Variants in ATP8B3 observed in about 807,000 individuals in gnomAD.
ATP8B3 encodes ATPase phospholipid transporting 8B3, also known as phospholipid-transporting ATPase IK.
ATP8B3 carries 141 observed loss-of-function variants against 140.9 expected under a neutral mutation model. The observed-to-expected ratio is 1.00, with a 90% CI of 0.87 to 1.15. The LOEUF is 1.15. ATP8B3 is among the 50% of genes most tolerant of loss of function. The pLI, the probability that ATP8B3 is intolerant of heterozygous loss-of-function variation, is 0.00. For missense variants in ATP8B3, 1,874 were observed against 1,740.6 expected (o/e 1.08, Z -1.36); for synonymous variants, 765 against 714.6 (o/e 1.07, Z -1.13).
At position 1,796,755 on chromosome 19, in the gene ATP8B3, A is replaced by C. The variant is rs376289308; in HGVS notation, c.1709T>G (p.Ile570Ser). Residue 570 changes from isoleucine to serine, a missense_variant, in exon 16 of 29, where the codon ATC becomes AGC. This residue lies in a region of ATP8B3 where 1,032 missense variants were observed against 963.6 expected (regional missense o/e 1.07). Coordinates refer to ENST00000310127, the MANE Select transcript of ATP8B3 (RefSeq NM_138813.4). ...AVREFWRLLA[I>S]CHTVMVRESP... Reference sequence around the variant, plus strand: ...CTCCCGCACCATCACCGTGTGGCAGATGGCCAGCAGGCGCCAGAACTCCCG... The same window carrying C: ...CTCCCGCACCATCACCGTGTGGCAGCTGGCCAGCAGGCGCCAGAACTCCCG... The C allele has an allele frequency of 6.2e-7, 1 of 1,612,204 alleles. No homozygotes were observed. The highest frequency in any genetic ancestry group is 2.2e-5 in the East Asian group (1 of 44,860).
In ATP8B3 at chr19:1,789,116, C is replaced by T. The variant is rs1332920824; in HGVS notation, c.2850G>A (p.Ala950=). Residue 950 remains alanine (A), a synonymous_variant, in exon 24 of 29, where the codon GCG becomes GCA. Coordinates refer to ENST00000310127, the MANE Select transcript of ATP8B3 (RefSeq NM_138813.4). ...GANDINMIKT[A]DVGVGLAGQE... The stretch of plus-strand genomic sequence containing the variant: ...GGCCCGCCAGCCCCACGCCCACGTC[C>T]GCGGCTGCAGGGCACAAGCAGCTGG... 2 of 1,582,130 alleles carry T rather than the reference C, an allele frequency of 1.3e-6. No individual in the cohort carries two copies. Among genetic ancestry groups the T allele is most frequent in the Admixed American group, 1.7e-5 (1 of 57,312 alleles).
In ATP8B3 at chr19:1,791,368, C is replaced by T. The variant is rs915169803; in HGVS notation, c.2302+382G>A. Among the ~76,000 whole-genome samples the T allele has an allele frequency of 4.1e-4, 62 of 149,894 alleles. 1 individual carries two copies. Among genetic ancestry groups the T allele is most frequent in the Non-Finnish European group, 5.8e-4 (39 of 67,698 alleles). ...CTGAGACCACAAGCATGTGCCACTGCGCTCCTCTGAGAGTTGCAGCATTTT... is the reference window on the plus strand; with the variant it reads ...CTGAGACCACAAGCATGTGCCACTGTGCTCCTCTGAGAGTTGCAGCATTTT... On this transcript the variant is annotated intron_variant, in intron 20 of 28. Transcript: ENST00000310127.
intron 2 of ATP8B3, among the ~76,000 whole-genome samples, chr19:1,811,062 A>G (rs780736221): frequency 2.0e-5 from 3 of 150,644 alleles, no homozygotes; most frequent in Non-Finnish European, 4.4e-5. Context: ...GACCACTCTC[A>G]CCTCCTCCTG....
rs554572727 is a variant in ATP8B3, at chr19:1,806,161, T to G, written c.686A>C (p.Gln229Pro). The G allele has an allele frequency of 6.3e-7, 1 of 1,592,804 alleles. No homozygotes were observed. Among genetic ancestry groups the G allele is most frequent in the Admixed American group, 1.7e-5 (1 of 57,176 alleles). Residue 229 changes from glutamine (Q) to proline (P), a missense_variant, in exon 8 of 29, where the codon CAG becomes CCG. Coordinates refer to ENST00000310127, the MANE Select transcript of ATP8B3 (RefSeq NM_138813.4). The surrounding 1 kb of genome is among the most constrained non-coding windows in gnomAD (Gnocchi z 5.6). ...CQILMGKSFKQKKWQDLCVGD... is the reference protein window; with the variant it reads ...CQILMGKSFKPKKWQDLCVGD... Reference sequence around the variant, plus strand: ...CACGCACAGATCCTGCCATTTCTTCTGCTTGAAGCTGCGGGGAGAGGGGGT... The same window carrying G: ...CACGCACAGATCCTGCCATTTCTTCGGCTTGAAGCTGCGGGGAGAGGGGGT...
chr19:1,794,175 G>T lies in ATP8B3; in HGVS notation c.2055+1700C>A, dbSNP rs534261317. On this transcript the variant is annotated intron_variant, in intron 18 of 28. Transcript: ENST00000310127. The surrounding 1 kb of genome is among the most constrained non-coding windows in gnomAD (Gnocchi z 4.8). ...CCCAAAGTGCTGGGACCACAGGCAC[G>T]CGCCACCATGTCTGATTTCCCTTTT... 2.5e-4 allele frequency among the ~76,000 whole-genome samples: 38 copies of T among 152,294 alleles called. No individual in the cohort carries two copies. Among genetic ancestry groups the T allele is most frequent in the African/African-American group, 8.2e-4 (34 of 41,554 alleles).
Position 1,782,367 on chromosome 19 carries a change from C to T in ATP8B3, c.*661G>A, listed in dbSNP as rs528353563. On this transcript the variant is annotated 3_prime_UTR_variant, in exon 29 of 29. Transcript: ENST00000310127. ...GGGGGCAAGGATAGCTGCTCCTCCCCGGGCACCAGCAGCCACTCCATGGAT... is the reference window on the plus strand; with the variant it reads ...GGGGGCAAGGATAGCTGCTCCTCCCTGGGCACCAGCAGCCACTCCATGGAT... 10 of 261,672 alleles carry T rather than the reference C, an allele frequency of 3.8e-5. No homozygotes were observed. The highest frequency in any genetic ancestry group is 6.5e-5 in the Non-Finnish European group (9 of 139,334). The allele number at this position is 261,672 out of a possible 1,614,324, so 16.2% of individuals were successfully genotyped here. A position where few individuals can be genotyped will look rare whatever the true frequency, so the allele number is the denominator to read the frequency against.
At chr19:1,795,072 A>G (rs892433838) in intron 18 of ATP8B3, among the ~76,000 whole-genome samples, 5 of 151,996 alleles carry the variant, frequency 3.3e-5, no homozygotes, top group African/African-American at 1.2e-4. Context: ...GCCTGGCAAC[A>G]TGGTGAAACC....
In ATP8B3 at chr19:1,800,322, A is replaced by G; in HGVS notation, c.1280T>C (p.Phe427Ser). ...GATGAGGAAGCTCCAGAAGACGAAG[A>G]AGGACTCTGCGGCCACGCTGCTCCC... ...VHGSSVAAES[F>S]FVFWSFLILL... Residue 427 changes from phenylalanine (F) to serine (S), a missense_variant, in exon 13 of 29, where the codon TTC (phenylalanine) becomes TCC (serine). Phe to Ser is a radical substitution (Grantham distance 155). Around this residue, in one of 3 missense-constraint regions of ATP8B3, gnomAD observed 1,032 missense variants for 963.6 expected, o/e 1.07. Coordinates refer to ENST00000310127, the MANE Select transcript of ATP8B3 (RefSeq NM_138813.4). This position sits in a 1 kb window ranked among gnomAD's most constrained non-coding sequence, Gnocchi z 4.4. 1.2e-6 allele frequency: 2 copies of G among 1,612,886 alleles called. No individual in the cohort carries two copies. Among genetic ancestry groups the G allele is most frequent in the Non-Finnish European group, 1.7e-6 (2 of 1,179,818 alleles).
In ATP8B3 at chr19:1,806,061, C is replaced by A; in HGVS notation, c.750+36G>T. 6.2e-7 allele frequency: 1 copy of A among 1,602,438 alleles called. No individual in the cohort carries two copies. Among genetic ancestry groups the A allele is most frequent in the South Asian group, 1.1e-5 (1 of 89,760 alleles). Reference sequence around the variant, plus strand: ...GAGGGGTGCTCTCGGTGAGGGGGCGCGTGGTTCTGGGACCTCGGGGTCAAC... The same window carrying A: ...GAGGGGTGCTCTCGGTGAGGGGGCGAGTGGTTCTGGGACCTCGGGGTCAAC... On this transcript the variant is annotated intron_variant, in intron 8 of 28. Transcript: ENST00000310127. The surrounding 1 kb of genome is among the most constrained non-coding windows in gnomAD (Gnocchi z 5.6).
chr19:1,797,640 C>T (rs1406041859), intron 14 of ATP8B3, among the ~76,000 whole-genome samples: 2 of 151,846 alleles, frequency 1.3e-5, no homozygotes, highest in East Asian at 3.9e-4. Context: ...GCTGGGATTA[C>T]AAGCTCATGT....
rs1288377844 is a variant in ATP8B3, at chr19:1,800,891, C to T, written c.1153-442G>A. Among the ~76,000 whole-genome samples the T allele has an allele frequency of 3.3e-5, 5 of 150,148 alleles. No individual in the cohort carries two copies. The highest frequency in any genetic ancestry group is 1.2e-4 in the African/African-American group (5 of 40,758). ...TCTCCCAGGCTGGAGTGCAGTGGCG[C>T]GATCTTGGCTCACAGCAAGCTCCGC... On this transcript the variant is annotated intron_variant, in intron 12 of 28. Transcript: ENST00000310127. This position sits in a 1 kb window ranked among gnomAD's most constrained non-coding sequence, Gnocchi z 4.4.
In ATP8B3 at chr19:1,800,759, A is replaced by G. The variant is rs1013992029; in HGVS notation, c.1153-310T>C. ...GGATCGCTTGAGCCCAGGAGGCTGC[A>G]GTGAGATATCATGGCGCCACTGCAC... On this transcript the variant is annotated intron_variant, in intron 12 of 28. Coordinates refer to ENST00000310127, the MANE Select transcript of ATP8B3 (RefSeq NM_138813.4). The surrounding 1 kb of genome is among the most constrained non-coding windows in gnomAD (Gnocchi z 4.4). Among the ~76,000 whole-genome samples the G allele has an allele frequency of 6.6e-6, 1 of 152,138 alleles. No individual in the cohort carries two copies. The highest frequency in any genetic ancestry group is 1.5e-5 in the Non-Finnish European group (1 of 68,014).
chr19:1,785,741 G>T (rs776502936), intron 25 of ATP8B3, 33 bp from the exon 26 acceptor site: 5 of 1,292,406 alleles, frequency 3.9e-6, no homozygotes, highest in South Asian at 2.5e-5. Flanking sequence ...GGGATTGGGT[G>T]GGGGGCGGGG....
At chr19:1,783,850 T>C (rs1203225652) in intron 28 of ATP8B3, among the ~76,000 whole-genome samples, 2 of 152,210 alleles carry the variant, frequency 1.3e-5, no homozygotes, top group Middle Eastern at 3.2e-3. Context: ...TCCCTTTTTT[T>C]TGAGGTGGGG....
intron 4 of ATP8B3, 91 bp downstream of exon 4, chr19:1,809,552 G>A: frequency 9.6e-7 from 1 of 1,039,388 alleles, no homozygotes; most frequent in Non-Finnish European, 1.4e-6. Flanking sequence ...AATACAAGCA[G>A]AGGCAGGACT....
chr19:1,792,928 A>G lies in ATP8B3; in HGVS notation c.2056-793T>C, dbSNP rs2068560298. Among the ~76,000 whole-genome samples the G allele has an allele frequency of 1.6e-4, 7 of 44,728 alleles. No homozygotes were observed. In the South Asian group the frequency reaches 4.3e-3, roughly 27 times the overall value. 29.3% of individuals were successfully genotyped at this position (44,728 alleles called of 152,430 possible). ...AGATTCTGTTTCAAAAAAAAAAAAAAAGAAAAGAAAACTGAGCTGCCCCTG... is the reference window on the plus strand; with the variant it reads ...AGATTCTGTTTCAAAAAAAAAAAAAGAGAAAAGAAAACTGAGCTGCCCCTG... On this transcript the variant is annotated intron_variant, in intron 18 of 28. Transcript: ENST00000310127.
At chr19:1,811,432 C>T in intron 2 of ATP8B3, 57 bp downstream of exon 2, 3 of 1,556,376 alleles carry the variant, frequency 1.9e-6, no homozygotes, top group South Asian at 1.2e-5. Context: ...TCTAGCAGTG[C>T]CCTCCCCGCC....
rs960131872 is a variant in ATP8B3, at chr19:1,810,483, C to T, written c.310+139G>A. 53 of 763,890 alleles carry T rather than the reference C, an allele frequency of 6.9e-5. No individual in the cohort carries two copies. In the African/African-American group the frequency reaches 7.1e-4, roughly 10 times the overall value. The allele number at this position is 763,890 out of a possible 1,614,324, so 47.3% of individuals were successfully genotyped here. ...GGTTTCTCCATGTTGCCCAGGCTCT[C>T]GAACCCCTGACCTCAAGTGATCCAC... On this transcript the variant is annotated intron_variant, in intron 3 of 28. Transcript: ENST00000310127.
rs774817044 is a variant in ATP8B3, at chr19:1,789,410, C to G, written c.2796G>C (p.Val932=). Residue 932 remains valine (V), a synonymous_variant, in exon 23 of 29, where the codon GTG becomes GTC. Transcript: ENST00000310127. The part of the protein sequence containing the change: ...IVALVKKYHQ[V]VTLAIGDGAN... ...CACCGTCCCCGATGGCCAGGGTCAC[C>G]ACCTGGTGGTACTTCTTGACCAGGG... is the stretch of plus-strand genomic sequence containing the variant. 5.6e-6 allele frequency: 9 copies of G among 1,596,566 alleles called. No homozygotes were observed. The African/African-American group carries it at 1.1e-4, about 19-fold the overall frequency.
Sources: allele counts gnomAD v4.1 joint callset (sites outside exome capture counted in the v4.1 genomes callset), GRCh38; gene constraint gnomAD v4.1.1; regional missense constraint gnomAD v4.1.1; non-coding constraint Gnocchi (gnomAD v3.1); transcripts MANE v1.5; gene names NCBI Gene and HGNC (gene_info 2026-07-23, HGNC 2026-07-21).